AJAP1: variants seen among roughly 807,000 people sequenced by gnomAD.
AJAP1 encodes adherens junctions associated protein 1.
Under a neutral mutation model 35.0 loss-of-function variants are expected in AJAP1, and 5 were observed. That is an observed-to-expected ratio of 0.14 (90% CI 0.07 to 0.30). The LOEUF (loss-of-function observed/expected upper bound fraction) is 0.30. Ranked by LOEUF, AJAP1 falls within the 10% of genes least tolerant of loss-of-function variation. The pLI, the probability that AJAP1 is intolerant of heterozygous loss-of-function variation, is 1.00. For synonymous variants in AJAP1, 284 were observed against 249.3 expected (o/e 1.14, Z -1.31); for missense variants, 586 against 571.0 (o/e 1.03, Z -0.27).
chr1:4,672,110 C>T (rs765557203), intron 1 of AJAP1, among the ~76,000 whole-genome samples: 3 of 152,154 alleles, frequency 2.0e-5, no homozygotes, highest in Non-Finnish European at 4.4e-5. Flanking sequence ...TGCTGTCTCC[C>T]CGGGGTGTGT....
At chr1:4,686,658 C>G (rs1044687971) in intron 1 of AJAP1, among the ~76,000 whole-genome samples, 6 of 152,220 alleles carry the variant, frequency 3.9e-5, no homozygotes, top group African/African-American at 1.4e-4. Context: ...TGTTACTGTT[C>G]CGATCTCAAC....
chr1:4,681,456 G>A (rs749089741), intron 1 of AJAP1, among the ~76,000 whole-genome samples: 6 of 152,194 alleles, frequency 3.9e-5, no homozygotes, highest in Non-Finnish European at 7.3e-5. Flanking sequence ...GGCAGCCAGG[G>A]TTCTAGGAAA....
intron 4 of AJAP1, among the ~76,000 whole-genome samples, chr1:4,773,551 T>A (rs764309048): frequency 6.6e-6 from 1 of 152,262 alleles, no homozygotes; most frequent in Admixed American, 6.5e-5. Flanking sequence ...AGACGTTCCC[T>A]TCCCTTCTGG....
intron 2 of AJAP1, among the ~76,000 whole-genome samples, chr1:4,768,745 C>T (rs933836685): frequency 6.6e-6 from 1 of 152,296 alleles, no homozygotes. Flanking sequence ...TGGCGGACTC[C>T]CTCACTGCCT....
intron 2 of AJAP1, among the ~76,000 whole-genome samples, chr1:4,724,112 T>A (rs998485799): frequency 6.6e-6 from 1 of 152,176 alleles, no homozygotes; most frequent in African/African-American, 2.4e-5. Flanking sequence ...CCCCTGCCAT[T>A]GCTGGGTGGC....
chr1:4,712,368 C>T lies in AJAP1; in HGVS notation c.498C>T (p.Ser166=). 2 of 1,530,104 alleles carry T rather than the reference C, an allele frequency of 1.3e-6. No individual in the cohort carries two copies. Among genetic ancestry groups the T allele is most frequent in the Non-Finnish European group, 1.8e-6 (2 of 1,136,432 alleles). 94.8% of individuals were successfully genotyped at this position (1,530,104 alleles called of 1,614,324 possible). ...ACCTGCAGGGGGACGGTCTCAGCAGCTTCGACTCCAGAGGCAGCCGGCCCA... is the reference window on the plus strand; with the variant it reads ...ACCTGCAGGGGGACGGTCTCAGCAGTTTCGACTCCAGAGGCAGCCGGCCCA... ...KRHLQGDGLS[S]FDSRGSRPTT... The change falls in exon 2 of 6, where the codon AGC becomes AGT. Residue 166 remains serine (S), a synonymous_variant. Transcript: ENST00000378191.
chr1:4,744,540 C>A (rs1251074360), intron 2 of AJAP1, among the ~76,000 whole-genome samples: 1 of 152,116 alleles, frequency 6.6e-6, no homozygotes, highest in Non-Finnish European at 1.5e-5. Context: ...CAGGGATGCA[C>A]CCATGCATGC....
chr1:4,708,598 ATTGT>A (rs1393707708), intron 1 of AJAP1, among the ~76,000 whole-genome samples: 3 of 152,166 alleles, frequency 2.0e-5, no homozygotes, highest in East Asian at 1.9e-4. Flanking sequence ...GAGGACAGAG[ATTGT>A]TTGTACTGCT....
chr1:4,701,291 G>A (rs1018662507), intron 1 of AJAP1, among the ~76,000 whole-genome samples: 4 of 152,224 alleles, frequency 2.6e-5, no homozygotes, highest in East Asian at 1.9e-4. Context: ...CCTGCCACTC[G>A]GTGGCAGGTG....
In AJAP1 at chr1:4,692,251, C is replaced by T. The variant is rs370444110; in HGVS notation, c.30-19649C>T. ...GCTGCTGCCTCCCGCCGCTGCCTCCCGCCACCAGGACAGGGTTGTCAGGGC... is the reference window on the plus strand; with the variant it reads ...GCTGCTGCCTCCCGCCGCTGCCTCCTGCCACCAGGACAGGGTTGTCAGGGC... On this transcript the variant is annotated intron_variant, in intron 1 of 5. Transcript: ENST00000378191. The surrounding 1 kb of genome is among the most constrained non-coding windows in gnomAD (Gnocchi z 4.4). 6.6e-6 allele frequency among the ~76,000 whole-genome samples: 1 copy of T among 152,148 alleles called. No homozygotes were observed. The highest frequency in any genetic ancestry group is 1.5e-5 in the Non-Finnish European group (1 of 68,026).
At position 4,777,971 on chromosome 1, in the gene AJAP1, A is replaced by G. The variant is rs3753730; in HGVS notation, c.*59+3413A>G. ...AGAAAGTAGCCACTTCAGATTGTCAAGAAATTCTGCTCTGCCCCGGGGACA... is the reference window on the plus strand; with the variant it reads ...AGAAAGTAGCCACTTCAGATTGTCAGGAAATTCTGCTCTGCCCCGGGGACA... On this transcript the variant is annotated intron_variant, in intron 5 of 5. Transcript: ENST00000378191. Among the ~76,000 whole-genome samples the G allele has an allele frequency of 6.8e-3, 1,030 of 152,356 alleles. 42 individuals carry two copies. The East Asian group carries it at 0.12, about 17-fold the overall frequency.
At chr1:4,779,789 C>T (rs1008087622) in intron 5 of AJAP1, among the ~76,000 whole-genome samples, 1 of 151,776 alleles carries the variant, frequency 6.6e-6, no homozygotes, top group Non-Finnish European at 1.5e-5. Context: ...TCTGGTGGCC[C>T]GAGGATTTTT....
At chr1:4,726,821 C>T (rs544237429) in intron 2 of AJAP1, among the ~76,000 whole-genome samples, 1 of 152,092 alleles carries the variant, frequency 6.6e-6, no homozygotes, top group Non-Finnish European at 1.5e-5. Context: ...CGGGCCTGGT[C>T]TCCTTCAGGG....
chr1:4,710,354 C>G (rs1397610034), intron 1 of AJAP1, among the ~76,000 whole-genome samples: 1 of 152,182 alleles, frequency 6.6e-6, no homozygotes, highest in Non-Finnish European at 1.5e-5. Context: ...CACTCGTGGA[C>G]ACACCCCCAG....
chr1:4,774,950 C>A (rs1024868397), intron 5 of AJAP1, among the ~76,000 whole-genome samples: 1 of 152,102 alleles, frequency 6.6e-6, no homozygotes, highest in Non-Finnish European at 1.5e-5. Context: ...AGGACAGCGG[C>A]TAGGGAGGCA....
At chr1:4,688,061 G>A (rs1315237727) in intron 1 of AJAP1, among the ~76,000 whole-genome samples, 1 of 152,198 alleles carries the variant, frequency 6.6e-6, no homozygotes, top group East Asian at 1.9e-4. Context: ...TGTTTCTGCC[G>A]AGGCTGGAGG....
At chr1:4,664,047 C>T (rs1022233246) in intron 1 of AJAP1, among the ~76,000 whole-genome samples, 6 of 152,070 alleles carry the variant, frequency 3.9e-5, no homozygotes, top group Admixed American at 2.6e-4. Context: ...ATGCCCGTGC[C>T]GTATCTTAAC....
At chr1:4,726,325 G>A (rs558212844) in intron 2 of AJAP1, among the ~76,000 whole-genome samples, 1 of 152,164 alleles carries the variant, frequency 6.6e-6, no homozygotes, top group Admixed American at 6.5e-5. Flanking sequence ...AGTGGCCAGG[G>A]TTTATGTGCA....
intron 1 of AJAP1, among the ~76,000 whole-genome samples, chr1:4,677,420 T>C (rs1403715145): frequency 6.6e-6 from 1 of 152,052 alleles, no homozygotes; most frequent in Non-Finnish European, 1.5e-5. Context: ...GCCCGGCTAA[T>C]TAATTGCTTT....
Sources: allele counts gnomAD v4.1 joint callset (sites outside exome capture counted in the v4.1 genomes callset), GRCh38; gene constraint gnomAD v4.1.1; non-coding constraint Gnocchi (gnomAD v3.1); transcripts MANE v1.5; gene names NCBI Gene and HGNC (gene_info 2026-07-23, HGNC 2026-07-21).